KIAA1217: variants seen among roughly 807,000 people sequenced by gnomAD.
The protein encoded by KIAA1217 is sickle tail protein homolog.
Under a neutral mutation model 163.9 loss-of-function variants are expected in KIAA1217, and 88 were observed. The observed-to-expected ratio is 0.54, with a 90% CI of 0.45 to 0.64. KIAA1217 has a LOEUF of 0.64. KIAA1217 is among the 30% of genes least tolerant of loss of function. The probability of loss-of-function intolerance (pLI) is 0.00; values close to 1 mark genes in which losing one functional copy is unlikely to be tolerated. For missense variants in KIAA1217, 2,372 were observed against 2,475.0 expected (o/e 0.96, Z 0.88); for synonymous variants, 903 against 923.1 (o/e 0.98, Z 0.39).
intron 2 of KIAA1217, among the ~76,000 whole-genome samples, chr10:24,300,476 T>C (rs990903987): frequency 2.6e-5 from 4 of 152,186 alleles, no homozygotes; most frequent in Non-Finnish European, 5.9e-5. Context: ...TATAAATATA[T>C]CCTGCCTCTG....
intron 6 of KIAA1217, among the ~76,000 whole-genome samples, chr10:24,478,720 T>C (rs1287094237): frequency 6.6e-6 from 1 of 152,198 alleles, no homozygotes; most frequent in South Asian, 2.1e-4. Context: ...CTTCTCTAGG[T>C]TGTAAAATTA....
At chr10:24,280,263 G>T (rs1170077501) in intron 2 of KIAA1217, among the ~76,000 whole-genome samples, 1 of 152,150 alleles carries the variant, frequency 6.6e-6, no homozygotes, top group Non-Finnish European at 1.5e-5. Flanking sequence ...ACCAGATTTG[G>T]CAAGGAATAG....
At chr10:24,363,268 T>C (rs2050267330) in intron 2 of KIAA1217, among the ~76,000 whole-genome samples, 1 of 152,208 alleles carries the variant, frequency 6.6e-6, no homozygotes, top group Non-Finnish European at 1.5e-5. Context: ...TATTTATTAT[T>C]CTTGAGCAAT....
chr10:24,116,672 T>G (rs2131761241), intron 2 of KIAA1217, among the ~76,000 whole-genome samples: 1 of 152,260 alleles, frequency 6.6e-6, no homozygotes, highest in South Asian at 2.1e-4. Context: ...ATAAAAGTTT[T>G]TTTTGTCCTC....
At chr10:24,477,574 T>C (rs1390402220) in intron 6 of KIAA1217, among the ~76,000 whole-genome samples, 1 of 152,220 alleles carries the variant, frequency 6.6e-6, no homozygotes. Context: ...AAAAATTGTT[T>C]CAGGACTAGA....
intron 2 of KIAA1217, among the ~76,000 whole-genome samples, chr10:24,295,882 G>A (rs2040541633): frequency 6.6e-6 from 1 of 152,048 alleles, no homozygotes; most frequent in Admixed American, 6.5e-5. Context: ...TCGCTCTTAT[G>A]GCACATGGCT....
rs1293611397 is a variant in KIAA1217 at position 24,501,283 on chromosome 10, C to G, written c.1835-96C>G. On this transcript the variant is annotated intron_variant, in intron 8 of 20. Coordinates refer to ENST00000376454, the MANE Select transcript of KIAA1217 (RefSeq NM_019590.5). ...ATTTTTTGTAATGAGAGAATTAGGC[C>G]TTTTTAGAATTACCAGTCATCTGCA... The G allele has an allele frequency of 5.0e-5, 58 of 1,151,418 alleles. 1 individual carries two copies. Among genetic ancestry groups the G allele is most frequent in the Non-Finnish European group, 3.6e-5 (29 of 816,834 alleles). 71.3% of individuals were successfully genotyped at this position (1,151,418 alleles called of 1,614,324 possible).
chr10:23,730,813 A>G (rs1438254875), intron 1 of KIAA1217, among the ~76,000 whole-genome samples: 1 of 152,200 alleles, frequency 6.6e-6, no homozygotes, highest in African/African-American at 2.4e-5. Context: ...GGTATATAGG[A>G]AAGCAATGGA....
chr10:23,705,776 G>A (rs1836844257), intron 1 of KIAA1217, among the ~76,000 whole-genome samples: 1 of 152,036 alleles, frequency 6.6e-6, no homozygotes, highest in South Asian at 2.1e-4. Flanking sequence ...CTGTGAAAAA[G>A]AAAAAAATAA....
chr10:23,806,786 C>T (rs1243656726), intron 1 of KIAA1217, among the ~76,000 whole-genome samples: 1 of 152,144 alleles, frequency 6.6e-6, no homozygotes, highest in Non-Finnish European at 1.5e-5. Context: ...TTTGCCTTCA[C>T]TGTACATTTT....
At chr10:24,129,047 C>T (rs923477424) in intron 2 of KIAA1217, among the ~76,000 whole-genome samples, 5 of 152,154 alleles carry the variant, frequency 3.3e-5, no homozygotes, top group Admixed American at 2.6e-4. Flanking sequence ...GTAATCCTTT[C>T]TCACCTGAAG....
chr10:24,016,861 C>G (rs146156207), intron 2 of KIAA1217, among the ~76,000 whole-genome samples: 1,626 of 151,768 alleles, frequency 0.011, 10 homozygotes, highest in African/African-American at 0.013. Flanking sequence ...TTAAAAAAAA[C>G]GTGCAGTGAG....
chr10:24,266,410 A>G (rs1476597691), intron 2 of KIAA1217, among the ~76,000 whole-genome samples: 2 of 152,068 alleles, frequency 1.3e-5, no homozygotes, highest in Non-Finnish European at 2.9e-5. Context: ...CAGTTGTCCA[A>G]AGACTTCATC....
intron 1 of KIAA1217, among the ~76,000 whole-genome samples, chr10:23,718,406 G>A (rs1001319894): frequency 1.3e-5 from 2 of 152,096 alleles, no homozygotes; most frequent in African/African-American, 4.8e-5. Context: ...CAAATTTTGT[G>A]TCAGAGGGAA....
chr10:24,135,462 G>A (rs1398621095), intron 2 of KIAA1217, among the ~76,000 whole-genome samples: 1 of 151,912 alleles, frequency 6.6e-6, no homozygotes, highest in African/African-American at 2.4e-5. Flanking sequence ...GAGTTTGCAG[G>A]TTCCCAGTCC....
Position 24,544,055 on chromosome 10 carries a change from A to T in KIAA1217, c.4785A>T (p.Thr1595=). The change falls in exon 19 of 21, where the codon ACA becomes ACT. Residue 1595 remains threonine, a synonymous_variant. Coordinates refer to ENST00000376454, the MANE Select transcript of KIAA1217 (RefSeq NM_019590.5). ...AAGCCATTCGCACCGGAACTAAAAC[A>T]GGGAAGAAGACTTTGCAAGTGGTAG... ...LTQAIRTGTK[T]GKKTLQVVVY... The T allele has an allele frequency of 6.2e-7, 1 of 1,614,158 alleles. No individual in the cohort carries two copies.
At chr10:24,185,879 G>A (rs1286543665) in intron 2 of KIAA1217, among the ~76,000 whole-genome samples, 1 of 151,750 alleles carries the variant, frequency 6.6e-6, no homozygotes, top group Admixed American at 6.6e-5. Context: ...CAGGAGAATC[G>A]CTGGAACCTG....
At chr10:24,033,179 A>G (rs761720575) in intron 2 of KIAA1217, among the ~76,000 whole-genome samples, 16 of 152,240 alleles carry the variant, frequency 1.1e-4, no homozygotes, top group Non-Finnish European at 2.9e-5. Flanking sequence ...GTATAAAGCA[A>G]CTTTTACTGA....
chr10:24,328,236 T>G (rs541735106), intron 2 of KIAA1217, among the ~76,000 whole-genome samples: 10 of 152,298 alleles, frequency 6.6e-5, no homozygotes, highest in African/African-American at 2.4e-4. Context: ...TAGGGGGTTA[T>G]GTAGCAGGGA....
Sources: gnomAD v4.1 joint callset for allele counts (sites outside exome capture counted in the v4.1 genomes callset) on GRCh38, gnomAD v4.1.1 for gene constraint, MANE v1.5 for transcripts, NCBI Gene and HGNC (gene_info 2026-07-23, HGNC 2026-07-21) for gene names.